Variants in ANGPTL2 observed in about 807,000 individuals in gnomAD.
ANGPTL2 encodes the protein angiopoietin-related protein 2.
ANGPTL2 carries 25 observed loss-of-function variants against 52.8 expected under a neutral mutation model. The ratio of observed to expected loss-of-function variants is 0.47; its 90% CI spans 0.35 to 0.66. The LOEUF (loss-of-function observed/expected upper bound fraction) is 0.66, where lower values mean the gene tolerates loss of function less well. Among genes scored for constraint, ANGPTL2 ranks in the 30% least tolerant of loss-of-function variants. The pLI, the probability that ANGPTL2 is intolerant of heterozygous loss-of-function variation, is 0.01. For synonymous variants in ANGPTL2, 276 were observed against 277.4 expected, an observed-to-expected ratio of 1.00 and a Z score of 0.05; for missense variants, 546 against 656.9, an observed-to-expected ratio of 0.83 and a Z score of 1.84.
At chr9:127,090,442 C>T (rs916716749) in intron 4 of ANGPTL2, among the ~76,000 whole-genome samples, 8 of 152,326 alleles carry the variant, frequency 5.3e-5, no homozygotes, top group South Asian at 4.1e-4. Flanking sequence ...AGGGCCCCTT[C>T]GGGCCAGGCC....
Position 127,091,958 on chromosome 9 carries a change from G to C in ANGPTL2, c.1012-18C>G, listed in dbSNP as rs777170100. 5 of 1,610,930 alleles carry C rather than the reference G, an allele frequency of 3.1e-6. No homozygotes were observed. In the Admixed American group the frequency reaches 6.7e-5, roughly 22 times the overall value. On this transcript the variant is annotated intron_variant, in intron 3 of 4. Coordinates refer to ENST00000373425, the MANE Select transcript of ANGPTL2 (RefSeq NM_012098.3). This position sits in a 1 kb window ranked among gnomAD's most constrained non-coding sequence, Gnocchi z 4.3. ...AACCCTTGCTGGGGAAAACCCAGGAGAGTGTTAATGTGGAGCCTGCAGCAC... is the reference window on the plus strand; with the variant it reads ...AACCCTTGCTGGGGAAAACCCAGGACAGTGTTAATGTGGAGCCTGCAGCAC...
chr9:127,097,410 C>T (rs2053257586), intron 2 of ANGPTL2, among the ~76,000 whole-genome samples: 1 of 152,236 alleles, frequency 6.6e-6, no homozygotes, highest in Non-Finnish European at 1.5e-5. Flanking sequence ...TTTCACATGA[C>T]AATCAGGCCC....
At chr9:127,118,875 A>G (rs1010909099) in intron 1 of ANGPTL2, among the ~76,000 whole-genome samples, 19 of 152,050 alleles carry the variant, frequency 1.2e-4, no homozygotes, top group African/African-American at 4.1e-4. Flanking sequence ...TGTTTGTTCT[A>G]TTGTAGCTAC....
At chr9:127,095,830 GGGC>G (rs2053066220) in intron 2 of ANGPTL2, among the ~76,000 whole-genome samples, 2 of 152,200 alleles carry the variant, frequency 1.3e-5, no homozygotes, top group African/African-American at 2.4e-5. Context: ...CATCTCAGGT[GGGC>G]TGTTCCTGAG....
intron 1 of ANGPTL2, among the ~76,000 whole-genome samples, chr9:127,113,333 C>T (rs1023361473): frequency 5.9e-5 from 9 of 152,150 alleles, no homozygotes; most frequent in Admixed American, 5.9e-4. Context: ...TCTCTTTGAG[C>T]CTCAGAGTCA....
Position 127,091,427 on chromosome 9 carries a change from T to C in ANGPTL2, c.1282+243A>G, listed in dbSNP as rs1429246923. ...GGTACGTGTGATTTGTATACCTCTT[T>C]ATGTCTCGCCCCATCCCATTTTTTT... On this transcript the variant is annotated intron_variant, in intron 4 of 4. Coordinates refer to ENST00000373425, the MANE Select transcript of ANGPTL2 (RefSeq NM_012098.3). This position sits in a 1 kb window ranked among gnomAD's most constrained non-coding sequence, Gnocchi z 4.3. 3.3e-5 allele frequency among the ~76,000 whole-genome samples: 5 copies of C among 152,176 alleles called. No homozygotes were observed. The highest frequency in any genetic ancestry group is 7.3e-5 in the Non-Finnish European group (5 of 68,034).
Position 127,108,106 on chromosome 9 carries a change from G to A in ANGPTL2, c.626C>T (p.Ser209Leu). 11 of 1,612,804 alleles carry A rather than the reference G, an allele frequency of 6.8e-6. No individual in the cohort carries two copies. The highest frequency in any genetic ancestry group is 2.2e-5 in the East Asian group (1 of 44,826). ...GGGTGGCTGGGGGACGGGCCTGGCC[G>A]AGGGCACCCTCTGGCAGTGCTCCTC... ...QLEEHCQRVP[S>L]ARPVPQPPPA... The change falls in exon 2 of 5, where the codon TCG becomes TTG. Residue 209 changes from serine (S) to leucine (L), a missense_variant. Physicochemically the swap from Ser to Leu is moderately radical, Grantham distance 145. This residue lies in a region of ANGPTL2 where 285 missense variants were observed against 295.8 expected (regional missense o/e 0.96). Coordinates refer to ENST00000373425, the MANE Select transcript of ANGPTL2 (RefSeq NM_012098.3).
At chr9:127,121,943 C>T (rs1390091683) in intron 1 of ANGPTL2, among the ~76,000 whole-genome samples, 2 of 152,236 alleles carry the variant, frequency 1.3e-5, no homozygotes, top group Non-Finnish European at 2.9e-5. Flanking sequence ...GCCACCCCTG[C>T]CTTCTGCAGC....
chr9:127,089,625 G>C (rs1234515448), intron 4 of ANGPTL2, among the ~76,000 whole-genome samples: 1 of 152,194 alleles, frequency 6.6e-6, no homozygotes, highest in East Asian at 1.9e-4. Context: ...GAATGACAAA[G>C]AAAGTGTTTA....
intron 2 of ANGPTL2, among the ~76,000 whole-genome samples, chr9:127,107,536 G>A (rs2054335977): frequency 6.6e-6 from 1 of 152,118 alleles, no homozygotes. Context: ...TTTACAGAAG[G>A]CCAACCCTGT....
intron 2 of ANGPTL2, among the ~76,000 whole-genome samples, chr9:127,098,228 C>T (rs889391740): frequency 3.3e-5 from 5 of 152,126 alleles, no homozygotes; most frequent in Admixed American, 3.3e-4. Flanking sequence ...TCTTTTTTGT[C>T]AATGAAACTG....
chr9:127,117,110 C>G (rs1284823292), intron 1 of ANGPTL2, among the ~76,000 whole-genome samples: 3 of 152,246 alleles, frequency 2.0e-5, no homozygotes, highest in African/African-American at 7.2e-5. Flanking sequence ...ATGTGCTGTG[C>G]TTCCTGCCTC....
At chr9:127,100,757 A>C (rs2053641541) in intron 2 of ANGPTL2, among the ~76,000 whole-genome samples, 1 of 152,244 alleles carries the variant, frequency 6.6e-6, no homozygotes, top group South Asian at 2.1e-4. Flanking sequence ...ATCCACAGAT[A>C]TGGACAGGTA....
At chr9:127,116,474 A>C (rs1240663095) in intron 1 of ANGPTL2, among the ~76,000 whole-genome samples, 2 of 152,234 alleles carry the variant, frequency 1.3e-5, no homozygotes, top group Non-Finnish European at 2.9e-5. Context: ...GCCTTGGCCA[A>C]CAGAGCAGAG....
chr9:127,121,754 G>A (rs1300792025), intron 1 of ANGPTL2, among the ~76,000 whole-genome samples: 3 of 152,196 alleles, frequency 2.0e-5, no homozygotes, highest in African/African-American at 4.8e-5. Context: ...GTCCGTTCCC[G>A]TGCTGGGTGC....
rs1223811758 is a variant in ANGPTL2, at chr9:127,087,624, T to G, written c.*1315A>C. 2 of 152,390 alleles carry G rather than the reference T, an allele frequency of 1.3e-5. No homozygotes were observed. Among genetic ancestry groups the G allele is most frequent in the Non-Finnish European group, 2.9e-5 (2 of 68,036 alleles). 9.4% of individuals were successfully genotyped at this position (152,390 alleles called of 1,614,324 possible). A position where few individuals can be genotyped will look rare whatever the true frequency, so the allele number is the denominator to read the frequency against. On this transcript the variant is annotated 3_prime_UTR_variant, in exon 5 of 5. Transcript: ENST00000373425. Reference sequence around the variant, plus strand: ...GTCCCGGGAGTGCTGAGGCTGACACTTGGTGGCCAACAGGACTCAGAAAGC... The same window carrying G: ...GTCCCGGGAGTGCTGAGGCTGACACGTGGTGGCCAACAGGACTCAGAAAGC...
At chr9:127,096,135 T>C (rs759630473) in intron 2 of ANGPTL2, among the ~76,000 whole-genome samples, 1 of 152,204 alleles carries the variant, frequency 6.6e-6, no homozygotes, top group African/African-American at 2.4e-5. Context: ...CCAGTGCCAC[T>C]TCCTGCCTTT....
intron 4 of ANGPTL2, among the ~76,000 whole-genome samples, chr9:127,090,003 GA>G (rs2052273098): frequency 6.6e-6 from 1 of 152,242 alleles, no homozygotes. Context: ...GAGGCCGTGG[GA>G]TGAGGTGAGG....
intron 1 of ANGPTL2, among the ~76,000 whole-genome samples, chr9:127,119,789 A>T (rs2055852331): frequency 6.6e-6 from 1 of 152,138 alleles, no homozygotes; most frequent in Admixed American, 6.5e-5. Context: ...AGACTGCCTC[A>T]TTAGTAGTAA....
Sources: gnomAD v4.1 joint callset for allele counts (sites outside exome capture counted in the v4.1 genomes callset) on GRCh38, gnomAD v4.1.1 for gene constraint, gnomAD v4.1.1 regional missense constraint, Gnocchi (gnomAD v3.1) non-coding constraint, MANE v1.5 for transcripts, NCBI Gene and HGNC (gene_info 2026-07-23, HGNC 2026-07-21) for gene names.